NSD3: variants seen among roughly 807,000 people sequenced by gnomAD.
The protein encoded by NSD3 is nuclear receptor binding SET domain protein 3, also known as histone-lysine N-methyltransferase NSD3.
NSD3 carries 24 observed loss-of-function variants against 160.8 expected under a neutral mutation model. That is an observed-to-expected ratio of 0.15 (90% CI 0.11 to 0.21). The LOEUF is 0.21. Ranked by LOEUF, NSD3 falls within the 10% of genes least tolerant of loss-of-function variation. The pLI is 1.00. For missense variants in NSD3, 1,157 were observed against 1,735.9 expected, an observed-to-expected ratio of 0.67 and a Z score of 5.93; for synonymous variants, 520 against 600.0, an observed-to-expected ratio of 0.87 and a Z score of 1.95.
chr8:38,275,973 T>C (rs1307186939), intron 23 of NSD3, 91 bp from the exon 24 acceptor site: 4 of 1,122,070 alleles, frequency 3.6e-6, no homozygotes, highest in Non-Finnish European at 5.1e-6. Context: ...CCTTCTTCTC[T>C]CATTGGAGAT....
intron 16 of NSD3, 128 bp downstream of exon 16, chr8:38,295,668 C>CCT (rs1554523250): frequency 1.7e-6 from 1 of 586,898 alleles, no homozygotes; most frequent in African/African-American, 2.0e-5. Context: ...TGGTTCTTTT[C>CCT]TTTTTTTTTT....
rs568461016 is a variant in NSD3, at chr8:38,372,542, T to C, written c.-45+9257A>G. 1.8e-3 allele frequency among the ~76,000 whole-genome samples: 274 copies of C among 150,772 alleles called. 2 individuals carry two copies. Among genetic ancestry groups the C allele is most frequent in the African/African-American group, 5.9e-3 (241 of 41,094 alleles). On this transcript the variant is annotated intron_variant, in intron 1 of 23. Transcript: ENST00000317025. The stretch of plus-strand genomic sequence containing the variant: ...CACAGTTTCGCTCTTTCGCCCAGGC[T>C]GGCGTGTGAGGTGACGTAATCTCGG...
At chr8:38,303,917 A>C (rs2131008600) in intron 14 of NSD3, among the ~76,000 whole-genome samples, 1 of 152,370 alleles carries the variant, frequency 6.6e-6, no homozygotes, top group Non-Finnish European at 1.5e-5. Context: ...TCTGTATAAC[A>C]TTCAACTAAA....
At chr8:38,304,110 CCCT>C (rs1809339580) in intron 14 of NSD3, among the ~76,000 whole-genome samples, 1 of 152,140 alleles carries the variant, frequency 6.6e-6, no homozygotes, top group African/African-American at 2.4e-5. Context: ...TCCCATCAGG[CCCT>C]CCTCAATGCC....
chr8:38,353,073 T>C (rs149642419), intron 1 of NSD3, among the ~76,000 whole-genome samples: 3 of 152,216 alleles, frequency 2.0e-5, no homozygotes, highest in Non-Finnish European at 2.9e-5. Context: ...TCTCCTATTA[T>C]ACATAGGGAA....
At chr8:38,314,855 C>A in intron 11 of NSD3, 82 bp from the exon 12 acceptor site, 1 of 1,456,012 alleles carries the variant, frequency 6.9e-7, no homozygotes, top group Non-Finnish European at 9.3e-7. Flanking sequence ...CACAAATTAC[C>A]GGGTCCCTCA....
intron 1 of NSD3, among the ~76,000 whole-genome samples, chr8:38,366,268 T>C (rs901455989): frequency 1.3e-5 from 2 of 152,122 alleles, no homozygotes; most frequent in Non-Finnish European, 2.9e-5. Context: ...TAAGTTATAG[T>C]TATCTTTCTT....
In NSD3 at chr8:38,276,276, G is replaced by A; in HGVS notation, c.4072+20C>T. 1 of 1,612,388 alleles carries A rather than the reference G, an allele frequency of 6.2e-7. No individual in the cohort carries two copies. Among genetic ancestry groups the A allele is most frequent in the Non-Finnish European group, 8.5e-7 (1 of 1,179,018 alleles). Reference sequence around the variant, plus strand: ...GGCAAAGACACAAATTAGGGAAAGGGTCCTGAAGGTCCAGCTTACCATATG... The same window carrying A: ...GGCAAAGACACAAATTAGGGAAAGGATCCTGAAGGTCCAGCTTACCATATG... On this transcript the variant is annotated intron_variant, in intron 23 of 23. Coordinates refer to ENST00000317025, the MANE Select transcript of NSD3 (RefSeq NM_023034.2).
intron 1 of NSD3, among the ~76,000 whole-genome samples, chr8:38,355,787 G>A (rs1238246883): frequency 2.6e-5 from 4 of 152,164 alleles, no homozygotes; most frequent in Admixed American, 2.6e-4. Context: ...AGAGCTTAGT[G>A]TCAATACTAT....
chr8:38,367,702 ACTCTGT>A (rs1465877371), intron 1 of NSD3, among the ~76,000 whole-genome samples: 12 of 152,058 alleles, frequency 7.9e-5, no homozygotes, highest in Non-Finnish European at 5.9e-5. Flanking sequence ...ACAGAGTGAG[ACTCTGT>A]CTCAAAAAAA....
rs1174173489 is a variant in NSD3 at position 38,281,610 on chromosome 8, T to C, written c.3502-27A>G. 3 of 1,485,634 alleles carry C rather than the reference T, an allele frequency of 2.0e-6. No individual in the cohort carries two copies. In the South Asian group the frequency reaches 3.5e-5, roughly 17 times the overall value. The allele number at this position is 1,485,634 out of a possible 1,614,324, so 92.0% of individuals were successfully genotyped here. A position where few individuals can be genotyped will look rare whatever the true frequency, so the allele number is the denominator to read the frequency against. ...TGGAGATAAATGTGCAATATGTAACTTAAAATCAGTGTATTATATAAAGCA... is the reference window on the plus strand; with the variant it reads ...TGGAGATAAATGTGCAATATGTAACCTAAAATCAGTGTATTATATAAAGCA... On this transcript the variant is annotated intron_variant, in intron 19 of 23. Transcript: ENST00000317025.
At chr8:38,301,117 T>C (rs1160183093) in intron 14 of NSD3, among the ~76,000 whole-genome samples, 2 of 152,104 alleles carry the variant, frequency 1.3e-5, no homozygotes, top group Non-Finnish European at 2.9e-5. Context: ...CTACAGCCAT[T>C]TGTCCCCATG....
chr8:38,281,467 C>A lies in NSD3; in HGVS notation c.3618G>T (p.Lys1206Asn). 1 of 1,416,562 alleles carries A rather than the reference C, an allele frequency of 7.1e-7. No homozygotes were observed. Among genetic ancestry groups the A allele is most frequent in the South Asian group, 1.7e-5 (1 of 57,564 alleles). 87.7% of individuals were successfully genotyped at this position (1,416,562 alleles called of 1,614,324 possible). A position where few individuals can be genotyped will look rare whatever the true frequency, so the allele number is the denominator to read the frequency against. ...VTNFYMLTVT[K>N]DRIIDAGPKG... The stretch of plus-strand genomic sequence containing the variant: ...TTACAAAAAAAAAAAGCAATTTTAC[C>A]TTGGTAACAGTTAACATATAAAAAT... Residue 1206 changes from lysine to asparagine, a missense_variant and splice_region_variant, in exon 20 of 24, where the codon AAG (lysine) becomes AAT (asparagine). Lys to Asn is a moderately conservative substitution (Grantham distance 94). Transcript: ENST00000317025.
chr8:38,287,959 C>T (rs1808905110), intron 19 of NSD3, among the ~76,000 whole-genome samples: 1 of 152,056 alleles, frequency 6.6e-6, no homozygotes, highest in Non-Finnish European at 1.5e-5. Flanking sequence ...TTAGGTTGGA[C>T]ACAGTGGCTC....
At chr8:38,300,220 G>A (rs766404441) in intron 14 of NSD3, among the ~76,000 whole-genome samples, 7 of 152,040 alleles carry the variant, frequency 4.6e-5, no homozygotes, top group African/African-American at 1.2e-4. Context: ...GGAGGGTAGT[G>A]GTGTGATCAT....
At chr8:38,301,270 CAG>C (rs1443877012) in intron 14 of NSD3, among the ~76,000 whole-genome samples, 1 of 152,172 alleles carries the variant, frequency 6.6e-6, no homozygotes, top group African/African-American at 2.4e-5. Flanking sequence ...GGTGCTCAGC[CAG>C]AGTCTTCTAA....
Position 38,281,466 on chromosome 8 carries a change from C to T in NSD3, c.3618+1G>A. 1 of 1,406,572 alleles carries T rather than the reference C, an allele frequency of 7.1e-7. No homozygotes were observed. Among genetic ancestry groups the T allele is most frequent in the Non-Finnish European group, 9.4e-7 (1 of 1,065,288 alleles). 87.1% of individuals were successfully genotyped at this position (1,406,572 alleles called of 1,614,324 possible). On this transcript the variant is annotated splice_donor_variant, in intron 20 of 23. Coordinates refer to ENST00000317025, the MANE Select transcript of NSD3 (RefSeq NM_023034.2). LOFTEE classifies it high-confidence loss of function. The stretch of plus-strand genomic sequence containing the variant: ...CTTACAAAAAAAAAAAGCAATTTTA[C>T]CTTGGTAACAGTTAACATATAAAAA...
Position 38,317,454 on chromosome 8 carries a change from A to G in NSD3, c.1856-1412T>C. ...GAGTGCTGTACTGAGAGGCTTTCGA[A>G]GGGAAACACAGGTACCGCCATTTCC... On this transcript the variant is annotated intron_variant, in intron 9 of 23. Coordinates refer to ENST00000317025, the MANE Select transcript of NSD3 (RefSeq NM_023034.2). The surrounding 1 kb of genome is among the most constrained non-coding windows in gnomAD (Gnocchi z 5.3). 3 of 1,057,300 alleles carry G rather than the reference A, an allele frequency of 2.8e-6. No homozygotes were observed. Among genetic ancestry groups the G allele is most frequent in the Non-Finnish European group, 3.4e-6 (3 of 874,184 alleles). The allele number at this position is 1,057,300 out of a possible 1,614,324, so 65.5% of individuals were successfully genotyped here. A position where few individuals can be genotyped will look rare whatever the true frequency, so the allele number is the denominator to read the frequency against.
chr8:38,337,417 A>T lies in NSD3; in HGVS notation c.798T>A (p.Val266=). 6.2e-7 allele frequency: 1 copy of T among 1,612,780 alleles called. No homozygotes were observed. Among genetic ancestry groups the T allele is most frequent in the South Asian group, 1.1e-5 (1 of 90,776 alleles). ...SVPTTEVSTG[V]KFQVGDLVWS... is the part of the protein sequence containing the mutation. ...ACACAAGATCGCCAACCTGAAACTT[A>T]ACACCAGTGGACACTTCCGTTGTTG... Residue 266 remains valine (V), a synonymous_variant, in exon 4 of 24, where the codon GTT becomes GTA. Coordinates refer to ENST00000317025, the MANE Select transcript of NSD3 (RefSeq NM_023034.2).
Sources: allele counts gnomAD v4.1 joint callset (sites outside exome capture counted in the v4.1 genomes callset), GRCh38; gene constraint gnomAD v4.1.1; non-coding constraint Gnocchi (gnomAD v3.1); transcripts MANE v1.5; gene names NCBI Gene and HGNC (gene_info 2026-07-23, HGNC 2026-07-21).